POLK: variants seen among roughly 807,000 people sequenced by gnomAD.
The protein encoded by POLK is DNA polymerase kappa, also known as polymerase (DNA directed) kappa.
In POLK, 76 loss-of-function variants were observed where a neutral mutation model predicts 94.0. The ratio of observed to expected loss-of-function variants is 0.81; its 90% CI spans 0.67 to 0.98. The LOEUF (loss-of-function observed/expected upper bound fraction) is 0.98, where lower values mean the gene tolerates loss of function less well. POLK is among the 50% of genes least tolerant of loss of function. The pLI is 0.00. For missense variants in POLK, 954 were observed against 1,010.1 expected (o/e 0.94, Z 0.75); for synonymous variants, 349 against 325.4 (o/e 1.07, Z -0.78).
At chr5:75,588,401 A>T (rs534027884) in intron 10 of POLK, among the ~76,000 whole-genome samples, 1 of 152,204 alleles carries the variant, frequency 6.6e-6, no homozygotes, top group Admixed American at 6.5e-5. Flanking sequence ...TAAATAATTA[A>T]CAGAAAAGGA....
intron 1 of POLK, among the ~76,000 whole-genome samples, chr5:75,528,823 A>G (rs1267774489): frequency 6.6e-6 from 1 of 152,048 alleles, no homozygotes; most frequent in Non-Finnish European, 1.5e-5. Flanking sequence ...AAACAAAAAT[A>G]GAGAGAATTT....
At chr5:75,559,505 G>GTGTT (rs1770841207) in intron 3 of POLK, among the ~76,000 whole-genome samples, 4 of 70,080 alleles carry the variant, frequency 5.7e-5, no homozygotes, top group African/African-American at 1.9e-4. Context: ...TTTGGGGTTT[G>GTGTT]TTTTTTTGTT....
the POLK span, among the ~76,000 whole-genome samples, chr5:75,607,596 T>G: frequency 6.6e-6 from 1 of 152,078 alleles, no homozygotes; most frequent in South Asian, 2.1e-4. Context: ...TGGAAGCAGA[T>G]GCTGCCGTTT....
chr5:75,567,971 G>T (rs1224894294), intron 3 of POLK, among the ~76,000 whole-genome samples: 3 of 152,184 alleles, frequency 2.0e-5, no homozygotes, highest in Non-Finnish European at 2.9e-5. Flanking sequence ...TTTAACCTGC[G>T]ACTAGTGGGC....
chr5:75,511,441 C>T (rs776929679), upstream of POLK: 3 of 1,535,854 alleles, frequency 2.0e-6, no homozygotes, highest in South Asian at 2.4e-5. Flanking sequence ...TTCCAGCCGT[C>T]AGCCGCCGCC....
chr5:75,583,640 G>T (rs1241804478), intron 8 of POLK, among the ~76,000 whole-genome samples: 1 of 152,126 alleles, frequency 6.6e-6, no homozygotes, highest in Admixed American at 6.5e-5. Context: ...GTAATAATCA[G>T]ATTTTTAAGT....
chr5:75,514,033 CCTTTT>C (rs1370081751), intron 1 of POLK, among the ~76,000 whole-genome samples: 1 of 151,972 alleles, frequency 6.6e-6, no homozygotes, highest in Non-Finnish European at 1.5e-5. Context: ...AATTTCACAT[CCTTTT>C]CTTCTTAGTC....
At chr5:75,560,350 G>A (rs930396887) in intron 3 of POLK, among the ~76,000 whole-genome samples, 1 of 152,052 alleles carries the variant, frequency 6.6e-6, no homozygotes, top group Non-Finnish European at 1.5e-5. Context: ...CATTACATGG[G>A]TGTCTCTTTT....
exon 11 of POLK, chr5:75,590,422 A>C (rs376971664): frequency 1.5e-4 from 239 of 1,605,900 alleles, no homozygotes; most frequent in Non-Finnish European, 1.9e-4. Context: ...CTCAGGATCT[A>C]CAGAAAGAAA....
At chr5:75,571,551 T>G (rs1163888376) in intron 4 of POLK, among the ~76,000 whole-genome samples, 1 of 152,202 alleles carries the variant, frequency 6.6e-6, no homozygotes, top group Non-Finnish European at 1.5e-5. Flanking sequence ...CAAGGTGGCT[T>G]CATTCATAGG....
At chr5:75,528,324 G>A (rs960422272) in intron 1 of POLK, among the ~76,000 whole-genome samples, 2 of 151,922 alleles carry the variant, frequency 1.3e-5, no homozygotes, top group Non-Finnish European at 2.9e-5. Flanking sequence ...TGTCATTTTT[G>A]TATAAAATAT....
intron 1 of POLK, among the ~76,000 whole-genome samples, chr5:75,531,718 G>C (rs1769191295): frequency 6.6e-6 from 1 of 152,080 alleles, no homozygotes; most frequent in Admixed American, 6.5e-5. Flanking sequence ...CTTGAACCTG[G>C]GAGGTGGAGG....
intron 2 of POLK, among the ~76,000 whole-genome samples, chr5:75,548,695 T>C (rs1271792484): frequency 2.6e-5 from 4 of 151,848 alleles, no homozygotes; most frequent in Non-Finnish European, 2.9e-5. Flanking sequence ...TTTAAAATGG[T>C]TTAGCCAAAA....
At chr5:75,586,125 A>G (rs1465316603) in intron 9 of POLK, among the ~76,000 whole-genome samples, 1 of 152,170 alleles carries the variant, frequency 6.6e-6, no homozygotes, top group African/African-American at 2.4e-5. Context: ...TTCTGATGTA[A>G]CATAACATAT....
chr5:75,511,004 A>T, upstream of POLK: 1 of 1,379,124 alleles, frequency 7.3e-7, no homozygotes, highest in Middle Eastern at 2.5e-4. Flanking sequence ...TCAGCCTCGC[A>T]CCCCGGCACG....
chr5:75,535,793 C>G (rs1240978536), intron 1 of POLK, among the ~76,000 whole-genome samples: 1 of 152,150 alleles, frequency 6.6e-6, no homozygotes, highest in African/African-American at 2.4e-5. Context: ...TGTTTTTCAT[C>G]TCTATCAGAT....
downstream of POLK, among the ~76,000 whole-genome samples, chr5:75,605,222 A>C (rs545128704): frequency 5.8e-4 from 88 of 152,018 alleles, no homozygotes; most frequent in African/African-American, 2.0e-3. Flanking sequence ...TCTTGAAAAC[A>C]CTTCTTTCCA....
At chr5:75,511,311 A>C (rs1357224887), upstream of POLK, 1 of 1,551,914 alleles carries the variant, frequency 6.4e-7, no homozygotes, top group Non-Finnish European at 8.7e-7. Context: ...CGAAGCGAAG[A>C]GTGCCCGCTC....
chr5:75,580,840 C>A (rs1429900505), intron 6 of POLK, among the ~76,000 whole-genome samples: 1 of 147,820 alleles, frequency 6.8e-6, no homozygotes, highest in African/African-American at 2.5e-5. Context: ...TCTTTTTCTT[C>A]CTAAAGAAGA....
Sources: allele counts gnomAD v4.1 joint callset (sites outside exome capture counted in the v4.1 genomes callset), GRCh38; gene constraint gnomAD v4.1.1; transcripts MANE v1.5; gene names NCBI Gene and HGNC (gene_info 2026-07-23, HGNC 2026-07-21).